Variants in RBFOX1 observed in about 807,000 individuals in gnomAD.
RBFOX1 encodes the protein RNA binding fox-1 homolog 1.
In RBFOX1, 8 loss-of-function variants were observed where a neutral mutation model predicts 57.7. That is an observed-to-expected ratio of 0.14 (90% CI 0.08 to 0.25). The LOEUF is 0.25. Among genes scored for constraint, RBFOX1 ranks in the 10% least tolerant of loss-of-function variants. The pLI, the probability that RBFOX1 is intolerant of heterozygous loss-of-function variation, is 1.00. For synonymous variants in RBFOX1, 326 were observed against 222.4 expected (o/e 1.47, Z -4.15); for missense variants, 611 against 548.5 (o/e 1.11, Z -1.14).
chr16:6,659,521 T>A (rs2098687927), intron 3 of RBFOX1, among the ~76,000 whole-genome samples: 1 of 152,150 alleles, frequency 6.6e-6, no homozygotes, highest in Non-Finnish European at 1.5e-5. Context: ...GGAAGTACCA[T>A]CATTTTCCCT....
chr16:6,544,501 C>T (rs1413286898), intron 2 of RBFOX1, among the ~76,000 whole-genome samples: 2 of 152,144 alleles, frequency 1.3e-5, no homozygotes, highest in African/African-American at 2.4e-5. Flanking sequence ...GGAAATTTTT[C>T]ATGTGAATTC....
At chr16:7,571,275 C>G (rs185147025) in intron 5 of RBFOX1, among the ~76,000 whole-genome samples, 1 of 152,282 alleles carries the variant, frequency 6.6e-6, no homozygotes, top group East Asian at 1.9e-4. Flanking sequence ...GAAGATGCCA[C>G]GCAGGTGGCC....
intron 4 of RBFOX1, among the ~76,000 whole-genome samples, chr16:7,057,390 C>T (rs1388649166): frequency 1.3e-5 from 2 of 152,186 alleles, no homozygotes; most frequent in Non-Finnish European, 2.9e-5. Flanking sequence ...TCTTGCTCAT[C>T]TCCTGTCTTT....
chr16:6,155,273 G>A (rs995597569), intron 1 of RBFOX1, among the ~76,000 whole-genome samples: 1 of 152,174 alleles, frequency 6.6e-6, no homozygotes, highest in Non-Finnish European at 1.5e-5. Flanking sequence ...ACATGGAATG[G>A]TGATTTCATA....
intron 1 of RBFOX1, among the ~76,000 whole-genome samples, chr16:5,452,267 C>T (rs2068450989): frequency 6.6e-6 from 1 of 151,886 alleles, no homozygotes; most frequent in African/African-American, 2.4e-5. Flanking sequence ...TACAGGCATG[C>T]ACCACCACGC....
chr16:5,292,309 C>G (rs1474614502), intron 1 of RBFOX1, among the ~76,000 whole-genome samples: 2 of 152,152 alleles, frequency 1.3e-5, no homozygotes, highest in African/African-American at 4.8e-5. Flanking sequence ...CCAGCCAAAC[C>G]CATTTTGTGC....
In RBFOX1 at chr16:7,193,258, T is replaced by C. The variant is rs568220498; in HGVS notation, c.27+141160T>C. Among the ~76,000 whole-genome samples the C allele has an allele frequency of 2.2e-4, 33 of 152,288 alleles. 1 individual carries two copies. The highest frequency in any genetic ancestry group is 7.9e-4 in the African/African-American group (33 of 41,562). On this transcript the variant is annotated intron_variant, in intron 4 of 15. Coordinates refer to ENST00000550418, the MANE Select transcript of RBFOX1 (RefSeq NM_018723.4). ...TGAAAAGAACTCAACACATTATTGC[T>C]GTCTGTAAGATGGAAGGAAGCCATG...
chr16:6,065,663 G>A (rs1218166371), intron 1 of RBFOX1, among the ~76,000 whole-genome samples: 1 of 152,164 alleles, frequency 6.6e-6, no homozygotes, highest in Non-Finnish European at 1.5e-5. Context: ...TCTTTGAGAT[G>A]TGATATAATG....
At chr16:5,542,575 G>A (rs1207639655) in intron 2 of RBFOX1, among the ~76,000 whole-genome samples, 1 of 152,016 alleles carries the variant, frequency 6.6e-6, no homozygotes, top group Non-Finnish European at 1.5e-5. Context: ...TGATTTTACT[G>A]AATACATCTA....
chr16:6,514,985 C>G (rs557868253), intron 2 of RBFOX1, among the ~76,000 whole-genome samples: 1 of 152,096 alleles, frequency 6.6e-6, no homozygotes, highest in East Asian at 1.9e-4. Context: ...AGAACAAAAA[C>G]AACCAGAGAA....
chr16:5,408,430 G>A (rs576749279), intron 1 of RBFOX1, among the ~76,000 whole-genome samples: 1 of 152,322 alleles, frequency 6.6e-6, no homozygotes, highest in East Asian at 1.9e-4. Context: ...TAGAGTCTGA[G>A]CTATTCAGAG....
At chr16:7,469,322 A>G (rs1209403292) in intron 4 of RBFOX1, among the ~76,000 whole-genome samples, 1 of 152,016 alleles carries the variant, frequency 6.6e-6, no homozygotes, top group East Asian at 1.9e-4. Flanking sequence ...TCGGCCTCCC[A>G]AAGTGCTGGG....
intron 1 of RBFOX1, among the ~76,000 whole-genome samples, chr16:6,275,598 A>G (rs751397639): frequency 5.3e-5 from 8 of 152,228 alleles, no homozygotes; most frequent in Non-Finnish European, 8.8e-5. Context: ...TCACATCTGT[A>G]CATATAGTCC....
At chr16:7,150,106 G>T (rs1006820677) in intron 4 of RBFOX1, among the ~76,000 whole-genome samples, 21 of 151,996 alleles carry the variant, frequency 1.4e-4, no homozygotes, top group African/African-American at 5.1e-4. Context: ...CTCTTTCCTT[G>T]TGCTTATTCC....
chr16:7,172,971 T>C (rs1437335553), intron 4 of RBFOX1, among the ~76,000 whole-genome samples: 4 of 152,158 alleles, frequency 2.6e-5, no homozygotes, highest in South Asian at 2.1e-4. Flanking sequence ...AGTATGGTTT[T>C]CGTGTAAAAG....
At chr16:7,517,641 C>T (rs968100619) in intron 4 of RBFOX1, among the ~76,000 whole-genome samples, 1 of 151,896 alleles carries the variant, frequency 6.6e-6, no homozygotes, top group African/African-American at 2.4e-5. Flanking sequence ...ATTATGTGAG[C>T]CAAGTCACAT....
chr16:5,730,321 G>A (rs1250484889), intron 3 of RBFOX1, among the ~76,000 whole-genome samples: 1 of 152,124 alleles, frequency 6.6e-6, no homozygotes, highest in Non-Finnish European at 1.5e-5. Flanking sequence ...TCTCATGCCT[G>A]AGAAAAAGAA....
chr16:6,755,951 C>G (rs1454535482), intron 3 of RBFOX1, among the ~76,000 whole-genome samples: 1 of 152,074 alleles, frequency 6.6e-6, no homozygotes, highest in Non-Finnish European at 1.5e-5. Flanking sequence ...CCGAAAGGGA[C>G]CATTTACAGC....
chr16:7,558,767 T>C (rs2089520560), intron 5 of RBFOX1, among the ~76,000 whole-genome samples: 2 of 152,180 alleles, frequency 1.3e-5, no homozygotes, highest in Admixed American at 6.5e-5. Flanking sequence ...AGCATCCAAC[T>C]GCTTCTGGTG....
Sources: allele counts gnomAD v4.1 joint callset (sites outside exome capture counted in the v4.1 genomes callset), GRCh38; gene constraint gnomAD v4.1.1; transcripts MANE v1.5; gene names NCBI Gene and HGNC (gene_info 2026-07-23, HGNC 2026-07-21).